Variants in SPTLC3 observed in about 807,000 individuals in gnomAD.
SPTLC3 encodes serine palmitoyltransferase long chain base subunit 3, also known as serine palmitoyltransferase 3.
In SPTLC3, 36 loss-of-function variants were observed where a neutral mutation model predicts 59.3. The ratio of observed to expected loss-of-function variants is 0.61; its 90% confidence interval spans 0.47 to 0.80. The LOEUF (loss-of-function observed/expected upper bound fraction) is 0.80. Among genes scored for constraint, SPTLC3 ranks in the 30% least tolerant of loss-of-function variants. The probability of loss-of-function intolerance (pLI) is 0.00; values close to 1 mark genes in which losing one functional copy is unlikely to be tolerated. For synonymous variants in SPTLC3, 257 were observed against 240.8 expected, an observed-to-expected ratio of 1.07 and a Z score of -0.62; for missense variants, 625 against 685.1, an observed-to-expected ratio of 0.91 and a Z score of 0.98.
intron 5 of SPTLC3, among the ~76,000 whole-genome samples, chr20:13,091,601 A>C (rs957287420): frequency 6.6e-6 from 1 of 150,604 alleles, no homozygotes; most frequent in Non-Finnish European, 1.5e-5. Flanking sequence ...AAGAAGAAGT[A>C]TGGCTGAGAA....
intron 6 of SPTLC3, among the ~76,000 whole-genome samples, chr20:13,105,994 G>A (rs1387574085): frequency 1.3e-5 from 2 of 152,084 alleles, no homozygotes; most frequent in Non-Finnish European, 2.9e-5. Context: ...TTTATTAACT[G>A]AAAATTTCAA....
At position 13,167,066 on chromosome 20, in the gene SPTLC3, T is replaced by G. The variant is rs186552959; in HGVS notation, c.*2199T>G. The G allele has an allele frequency of 1.1e-4, 17 of 152,294 alleles. No homozygotes were observed. In the East Asian group the frequency reaches 3.3e-3, roughly 29 times the overall value. The allele number at this position is 152,294 out of a possible 1,614,324, so 9.4% of individuals were successfully genotyped here. A position where few individuals can be genotyped will look rare whatever the true frequency, so the allele number is the denominator to read the frequency against. Reference sequence around the variant, plus strand: ...ACAGGTATGAGAACAACTGTTGATATACAGGTATAATCCAAGTAGAATGCT... The same window carrying G: ...ACAGGTATGAGAACAACTGTTGATAGACAGGTATAATCCAAGTAGAATGCT... On this transcript the variant is annotated 3_prime_UTR_variant, in exon 12 of 12. Coordinates refer to ENST00000399002, the MANE Select transcript of SPTLC3 (RefSeq NM_018327.4).
chr20:13,091,749 A>G (rs1989230197), intron 5 of SPTLC3, among the ~76,000 whole-genome samples: 1 of 152,164 alleles, frequency 6.6e-6, no homozygotes. Flanking sequence ...ATCTTCAATG[A>G]CAGTTTAACA....
At chr20:13,117,435 T>C in intron 7 of SPTLC3, 71 bp from the exon 8 acceptor site, 4 of 1,399,230 alleles carry the variant, frequency 2.9e-6, no homozygotes, top group Non-Finnish European at 3.9e-6. Flanking sequence ...CTAGGATGTA[T>C]TGATGGGGAA....
In SPTLC3 at chr20:13,130,224, C is replaced by T. The variant is rs539801130; in HGVS notation, c.1279+3507C>T. ...GTTAGGAATATTGCATTAGCTCACC[C>T]CTTTCTGCAGAGATAGACTCACTCT... On this transcript the variant is annotated intron_variant, in intron 9 of 11. Transcript: ENST00000399002. 2.0e-5 allele frequency among the ~76,000 whole-genome samples: 3 copies of T among 152,300 alleles called. No homozygotes were observed. In the East Asian group the frequency reaches 5.8e-4, roughly 29 times the overall value.
At chr20:13,069,360 G>C (rs949512149) in intron 2 of SPTLC3, among the ~76,000 whole-genome samples, 1 of 152,034 alleles carries the variant, frequency 6.6e-6, no homozygotes, top group African/African-American at 2.4e-5. Flanking sequence ...AGCAGTCCCC[G>C]ATCTTTTTGG....
chr20:13,099,687 C>A (rs1989538239), intron 6 of SPTLC3, among the ~76,000 whole-genome samples: 1 of 152,174 alleles, frequency 6.6e-6, no homozygotes, highest in African/African-American at 2.4e-5. Flanking sequence ...AGGGAAAGAA[C>A]TGAATGGAGT....
intron 5 of SPTLC3, 45 bp from the exon 6 acceptor site, chr20:13,093,439 G>A (rs773284094): frequency 1.8e-5 from 29 of 1,578,874 alleles, no homozygotes; most frequent in Non-Finnish European, 2.2e-5. Flanking sequence ...TTTTTCCTTG[G>A]TTTTATTTAT....
intron 9 of SPTLC3, among the ~76,000 whole-genome samples, chr20:13,133,834 G>T (rs78495483): frequency 6.6e-6 from 1 of 152,292 alleles, no homozygotes; most frequent in African/African-American, 2.4e-5. Flanking sequence ...TAAAAAGCAT[G>T]TAGTTCATGT....
At chr20:13,126,302 C>T (rs2122792506) in intron 8 of SPTLC3, among the ~76,000 whole-genome samples, 1 of 152,322 alleles carries the variant, frequency 6.6e-6, no homozygotes, top group South Asian at 2.1e-4. Context: ...TCAACAAATG[C>T]TTCAGGAATC....
intron 9 of SPTLC3, 64 bp from the exon 10 acceptor site, chr20:13,153,939 G>T: frequency 6.3e-7 from 1 of 1,590,022 alleles, no homozygotes; most frequent in South Asian, 1.2e-5. Flanking sequence ...TTGCCAAGTT[G>T]ACCGGACCTT....
chr20:13,096,370 C>A (rs561997439), intron 6 of SPTLC3, among the ~76,000 whole-genome samples: 2 of 151,524 alleles, frequency 1.3e-5, no homozygotes, highest in Non-Finnish European at 2.9e-5. Context: ...AATCTGGAAA[C>A]AATCCGAATG....
intron 2 of SPTLC3, among the ~76,000 whole-genome samples, chr20:13,068,039 T>C (rs1205632538): frequency 6.6e-6 from 1 of 152,208 alleles, no homozygotes; most frequent in Non-Finnish European, 1.5e-5. Context: ...GTTTGGGAAC[T>C]GGAAATATTA....
At chr20:13,098,037 T>G (rs1989481439) in intron 6 of SPTLC3, among the ~76,000 whole-genome samples, 1 of 152,294 alleles carries the variant, frequency 6.6e-6, no homozygotes, top group African/African-American at 2.4e-5. Context: ...AGACAACTTA[T>G]GACCTGTGAA....
At chr20:13,141,279 A>C (rs1429071035) in intron 9 of SPTLC3, among the ~76,000 whole-genome samples, 1 of 152,168 alleles carries the variant, frequency 6.6e-6, no homozygotes, top group East Asian at 1.9e-4. Flanking sequence ...CCTCAAACTT[A>C]TCTTGTGGCT....
chr20:13,128,009 A>G (rs1035951234), intron 9 of SPTLC3, among the ~76,000 whole-genome samples: 2 of 152,190 alleles, frequency 1.3e-5, no homozygotes, highest in African/African-American at 4.8e-5. Flanking sequence ...TATCTATTCA[A>G]CCCTGAGCAA....
chr20:13,101,431 G>A (rs1989597348), intron 6 of SPTLC3, among the ~76,000 whole-genome samples: 1 of 152,196 alleles, frequency 6.6e-6, no homozygotes, highest in Admixed American at 6.5e-5. Context: ...GCCCTATCCT[G>A]TTAGTAGCCT....
At chr20:13,087,277 C>T (rs1989035202) in intron 4 of SPTLC3, among the ~76,000 whole-genome samples, 1 of 152,178 alleles carries the variant, frequency 6.6e-6, no homozygotes. Flanking sequence ...CCTGAGATAG[C>T]AGGTTTTGGA....
chr20:13,138,583 T>C (rs1037565961), intron 9 of SPTLC3, among the ~76,000 whole-genome samples: 1 of 152,248 alleles, frequency 6.6e-6, no homozygotes, highest in African/African-American at 2.4e-5. Flanking sequence ...TACTTGGGAC[T>C]AAGCAGATTT....
Sources: allele counts gnomAD v4.1 joint callset (sites outside exome capture counted in the v4.1 genomes callset), GRCh38; gene constraint gnomAD v4.1.1; transcripts MANE v1.5; gene names NCBI Gene and HGNC (gene_info 2026-07-23, HGNC 2026-07-21).